ZBTB24: variants seen among roughly 807,000 people sequenced by gnomAD.
ZBTB24 encodes the protein zinc finger and BTB domain-containing protein 24.
A neutral mutation model predicts 53.8 loss-of-function variants in ZBTB24; 32 were observed. That is an observed-to-expected ratio of 0.60 (90% CI 0.45 to 0.80). ZBTB24 has a LOEUF of 0.80. Among genes scored for constraint, ZBTB24 ranks in the 30% least tolerant of loss-of-function variants. The pLI, the probability that ZBTB24 is intolerant of heterozygous loss-of-function variation, is 0.00. For missense variants in ZBTB24, 722 were observed against 837.1 expected (o/e 0.86, Z 1.70); for synonymous variants, 297 against 306.7 (o/e 0.97, Z 0.33).
intron 5 of ZBTB24, 136 bp from the exon 6 acceptor site, chr6:109,467,870 C>T (rs1248084531): frequency 7.0e-6 from 7 of 1,005,496 alleles, no homozygotes; most frequent in South Asian, 3.1e-5. Context: ...CCTCCGTAAG[C>T]GTAAACGAAT....
Position 109,481,258 on chromosome 6 carries a change from T to G in ZBTB24, c.769A>C (p.Arg257=), listed in dbSNP as rs776012863. 1.1e-5 allele frequency: 17 copies of G among 1,614,090 alleles called. No homozygotes were observed. Among genetic ancestry groups the G allele is most frequent in the Non-Finnish European group, 1.3e-5 (15 of 1,180,052 alleles). Residue 257 remains arginine (R), a synonymous_variant, in exon 2 of 7, where the codon AGG becomes CGG. Coordinates refer to ENST00000230122, the MANE Select transcript of ZBTB24 (RefSeq NM_014797.3). The part of the protein sequence containing the change: ...QASQSRYSKR[R]IWRSVKLKDY... ...TTAAGTTTGACGGATCTCCAAATCC[T>G]CCGCTTGCTGTATCGACTCTGGCTT...
Position 109,481,770 on chromosome 6 carries a change from G to A in ZBTB24, c.257C>T (p.Thr86Ile). The change falls in exon 2 of 7, where the codon ACC becomes ATC. Residue 86 changes from threonine to isoleucine, a missense_variant. Physicochemically the swap from Thr to Ile is moderately conservative, Grantham distance 89. Transcript: ENST00000230122. The part of the protein sequence containing the change: ...IYMLEGMVAD[T>I]FGILLEFIYT... ...GATAAATTCCAGCAGGATACCAAAG[G>A]TGTCTGCAACCATGCCTTCCAGCAT... 1.2e-6 allele frequency: 2 copies of A among 1,613,670 alleles called. No homozygotes were observed. Among genetic ancestry groups the A allele is most frequent in the Non-Finnish European group, 1.7e-6 (2 of 1,179,880 alleles).
chr6:109,466,453 G>C lies in ZBTB24; in HGVS notation c.1492C>G (p.Gln498Glu), dbSNP rs754381673. ...TTCAAGTTGTCTAAGCGAGCAAACT[G>C]TAAGTTACACTCAGGGCAGGAGAAA... Reference protein sequence around the residue: ...KPFSCPECNLQFARLDNLKAH... With the variant: ...KPFSCPECNLEFARLDNLKAH... The change falls in exon 7 of 7, where the codon CAG becomes GAG. Residue 498 changes from glutamine (Q) to glutamate (E), a missense_variant. By Grantham distance (29) the Gln-to-Glu change is conservative. Transcript: ENST00000230122. The C allele has an allele frequency of 3.1e-6, 5 of 1,614,222 alleles. No individual in the cohort carries two copies. The highest frequency in any genetic ancestry group is 3.4e-6 in the Non-Finnish European group (4 of 1,180,048).
At chr6:109,475,586 A>G in intron 4 of ZBTB24, 104 bp from the exon 5 acceptor site, 1 of 1,406,070 alleles carries the variant, frequency 7.1e-7, no homozygotes, top group Non-Finnish European at 9.9e-7. Flanking sequence ...CACTTTAAAT[A>G]TAGTACTTTA....
intron 2 of ZBTB24, 168 bp downstream of exon 2, chr6:109,480,907 A>T (rs999938401): frequency 2.2e-5 from 31 of 1,440,900 alleles, no homozygotes; most frequent in Admixed American, 2.6e-5. Flanking sequence ...TATAATGAGG[A>T]TATTACCCAC....
intron 5 of ZBTB24, among the ~76,000 whole-genome samples, chr6:109,468,404 T>A (rs549463595): frequency 6.6e-6 from 1 of 152,066 alleles, no homozygotes; most frequent in African/African-American, 2.4e-5. Context: ...CGATCATAGA[T>A]CTGTACCCCA....
intron 2 of ZBTB24, among the ~76,000 whole-genome samples, chr6:109,477,848 T>C (rs1040821529): frequency 6.6e-6 from 1 of 152,016 alleles, no homozygotes; most frequent in Non-Finnish European, 1.5e-5. Flanking sequence ...CAGTGGAACA[T>C]GAGAGGTCCA....
At chr6:109,476,724 G>C (rs1328138086) in intron 3 of ZBTB24, 39 bp downstream of exon 3, 3 of 1,604,568 alleles carry the variant, frequency 1.9e-6, no homozygotes, top group Admixed American at 1.7e-5. Context: ...TGGGGAATGG[G>C]AATCTGGTGA....
chr6:109,470,225 T>C (rs913500727), intron 5 of ZBTB24, among the ~76,000 whole-genome samples: 15 of 152,134 alleles, frequency 9.9e-5, no homozygotes, highest in African/African-American at 3.6e-4. Flanking sequence ...AGGAGTGTGA[T>C]GAAAGGTTCC....
At chr6:109,471,227 T>C (rs1365945713) in intron 5 of ZBTB24, among the ~76,000 whole-genome samples, 1 of 152,254 alleles carries the variant, frequency 6.6e-6, no homozygotes, top group Non-Finnish European at 1.5e-5. Context: ...GACACCTGTG[T>C]ACTTGGCATT....
intron 3 of ZBTB24, 118 bp from the exon 4 acceptor site, chr6:109,476,376 G>T (rs1001212527): frequency 3.0e-6 from 3 of 1,013,182 alleles, no homozygotes; most frequent in Non-Finnish European, 4.5e-6. Flanking sequence ...TGATACAAGC[G>T]ACTTGTTTAC....
intron 5 of ZBTB24, among the ~76,000 whole-genome samples, chr6:109,473,854 G>C (rs1776219817): frequency 6.6e-6 from 1 of 152,122 alleles, no homozygotes; most frequent in Non-Finnish European, 1.5e-5. Context: ...AGGCTGGGAG[G>C]GTGGATCACT....
intron 2 of ZBTB24, chr6:109,480,848 T>C (rs1776389622): frequency 1.3e-6 from 1 of 780,454 alleles, no homozygotes; most frequent in Non-Finnish European, 1.6e-6. Flanking sequence ...CTATGCACTT[T>C]AGCAACCCTC....
chr6:109,467,413 C>A (rs762485054), intron 6 of ZBTB24, among the ~76,000 whole-genome samples: 1 of 152,070 alleles, frequency 6.6e-6, no homozygotes. Flanking sequence ...CAGGAGGCCA[C>A]GGTGGGAGAA....
chr6:109,481,253 A>C lies in ZBTB24; in HGVS notation c.774T>G (p.Ile258Met). 6.2e-7 allele frequency: 1 copy of C among 1,614,142 alleles called. No individual in the cohort carries two copies. Among genetic ancestry groups the C allele is most frequent in the Non-Finnish European group, 8.5e-7 (1 of 1,180,026 alleles). Residue 258 changes from isoleucine to methionine, a missense_variant, in exon 2 of 7, where the codon ATT becomes ATG. By Grantham distance (10) the Ile-to-Met change is conservative. Coordinates refer to ENST00000230122, the MANE Select transcript of ZBTB24 (RefSeq NM_014797.3). ...ASQSRYSKRR[I>M]WRSVKLKDYK... ...AATCTTTAAGTTTGACGGATCTCCAAATCCTCCGCTTGCTGTATCGACTCT... is the reference window on the plus strand; with the variant it reads ...AATCTTTAAGTTTGACGGATCTCCACATCCTCCGCTTGCTGTATCGACTCT...
chr6:109,462,884 T>G lies in ZBTB24; in HGVS notation c.*2967A>C, dbSNP rs1775923715. ...AAAACAATTTAAAAAATGGTACACA[T>G]TTAGTAGAAAATGAATTGTGAAACA... On this transcript the variant is annotated 3_prime_UTR_variant, in exon 7 of 7. Coordinates refer to ENST00000230122, the MANE Select transcript of ZBTB24 (RefSeq NM_014797.3). 6.6e-6 allele frequency: 1 copy of G among 152,232 alleles called. No homozygotes were observed. The highest frequency in any genetic ancestry group is 1.5e-5 in the Non-Finnish European group (1 of 68,040). The allele number at this position is 152,232 out of a possible 1,614,324, so 9.4% of individuals were successfully genotyped here.
At chr6:109,474,680 G>A (rs1048090170) in intron 5 of ZBTB24, among the ~76,000 whole-genome samples, 2 of 151,408 alleles carry the variant, frequency 1.3e-5, no homozygotes, top group South Asian at 2.1e-4. Flanking sequence ...GTTGCAGTGA[G>A]CCAAGATCGT....
chr6:109,479,447 T>A (rs1234932815), intron 2 of ZBTB24, among the ~76,000 whole-genome samples: 1 of 152,206 alleles, frequency 6.6e-6, no homozygotes, highest in Non-Finnish European at 1.5e-5. Context: ...AAACTCAGAA[T>A]TCAAAGTACA....
chr6:109,475,515 T>C (rs748355679), intron 4 of ZBTB24, 33 bp from the exon 5 acceptor site: 1 of 1,609,058 alleles, frequency 6.2e-7, no homozygotes, highest in Admixed American at 1.7e-5. Flanking sequence ...TGTCAGTGCA[T>C]ACATGCTCTC....
Sources: gnomAD v4.1 joint callset for allele counts (sites outside exome capture counted in the v4.1 genomes callset) on GRCh38, gnomAD v4.1.1 for gene constraint, MANE v1.5 for transcripts, NCBI Gene and HGNC (gene_info 2026-07-23, HGNC 2026-07-21) for gene names.